Variants in DNAH11 observed in about 807,000 individuals in gnomAD.
DNAH11 encodes dynein axonemal heavy chain 11.
In DNAH11, 442 loss-of-function variants were observed where a neutral mutation model predicts 526.0. The observed-to-expected ratio is 0.84, with a 90% CI of 0.78 to 0.91. DNAH11 has a LOEUF of 0.91. Ranked by LOEUF, DNAH11 falls within the 40% of genes least tolerant of loss-of-function variation. DNAH11 has a pLI of 0.00. For missense variants in DNAH11, 6,989 were observed against 5,448.7 expected (o/e 1.28, Z -8.90); for synonymous variants, 2,461 against 1,935.9 (o/e 1.27, Z -7.12).
In DNAH11 at chr7:21,728,237, C is replaced by CTTTTTTT. The variant is rs71026816; in HGVS notation, c.7440+2285_7440+2291dup. Among the ~76,000 whole-genome samples the CTTTTTTT allele has an allele frequency of 6.8e-5, 4 of 58,946 alleles. 1 individual carries two copies. The highest frequency in any genetic ancestry group is 2.6e-4 in the Admixed American group (1 of 3,880). 38.7% of individuals were successfully genotyped at this position (58,946 alleles called of 152,430 possible). On this transcript the variant is annotated intron_variant, in intron 45 of 81. Coordinates refer to ENST00000409508, the MANE Select transcript of DNAH11 (RefSeq NM_001277115.2). ...TCACCCATTCCAACAGCCCACAATT[C>CTTTTTTT]TTTTTTTTTTTTTTTTTTTTTTTTT...
At chr7:21,818,088 A>G in intron 64 of DNAH11, 129 bp from the exon 65 acceptor site, 1 of 859,384 alleles carries the variant, frequency 1.2e-6, no homozygotes, top group South Asian at 1.9e-5. Context: ...CTACTACTTT[A>G]TAAAATAGTT....
At chr7:21,805,062 T>C (rs1044836902) in intron 62 of DNAH11, among the ~76,000 whole-genome samples, 6 of 152,178 alleles carry the variant, frequency 3.9e-5, no homozygotes, top group African/African-American at 1.4e-4. Flanking sequence ...CATCACTGGC[T>C]CTTCACTTTG....
chr7:21,627,583 G>T (rs774679671), intron 25 of DNAH11, among the ~76,000 whole-genome samples: 4 of 151,972 alleles, frequency 2.6e-5, no homozygotes, highest in Non-Finnish European at 4.4e-5. Flanking sequence ...AAATTAATTG[G>T]CTGTAAATGT....
intron 65 of DNAH11, among the ~76,000 whole-genome samples, chr7:21,840,360 A>G (rs1052688476): frequency 3.3e-5 from 5 of 152,258 alleles, no homozygotes; most frequent in Non-Finnish European, 7.3e-5. Context: ...AATAATTTCA[A>G]TTAAAATAAT....
At chr7:21,623,102 G>C (rs943962492) in intron 25 of DNAH11, among the ~76,000 whole-genome samples, 1 of 151,692 alleles carries the variant, frequency 6.6e-6, no homozygotes, top group Non-Finnish European at 1.5e-5. Flanking sequence ...AATCTACAAT[G>C]AACTCAAACA....
chr7:21,633,854 A>G (rs979133358), intron 25 of DNAH11, among the ~76,000 whole-genome samples: 2 of 152,192 alleles, frequency 1.3e-5, no homozygotes, highest in African/African-American at 4.8e-5. Context: ...GTATTTAGGC[A>G]ATGAGGACAA....
intron 61 of DNAH11, among the ~76,000 whole-genome samples, chr7:21,792,841 CA>C (rs1167690838): frequency 6.6e-6 from 1 of 151,802 alleles, no homozygotes; most frequent in African/African-American, 2.4e-5. Flanking sequence ...CTTTTCATTT[CA>C]TTGATATTTT....
At position 21,681,598 on chromosome 7, in the gene DNAH11, G is replaced by T. The variant is rs1395753085; in HGVS notation, c.5381G>T (p.Gly1794Val). The change falls in exon 31 of 82, where the codon GGA becomes GTA. Residue 1794 changes from glycine to valine, a missense_variant. By Grantham distance (109) the Gly-to-Val change is moderately radical. Transcript: ENST00000409508. The part of the protein sequence containing the change: ...ITLLLGELPP[G>V]DRQKIMTICT... The stretch of plus-strand genomic sequence containing the variant: ...CTTTTGCTGGGAGAACTTCCACCTG[G>T]AGACAGACAGAAGATCATGACAATT... The T allele has an allele frequency of 6.2e-7, 1 of 1,613,650 alleles. No homozygotes were observed. Among genetic ancestry groups the T allele is most frequent in the Non-Finnish European group, 8.5e-7 (1 of 1,179,778 alleles).
chr7:21,642,826 C>T (rs570712897), intron 28 of DNAH11, among the ~76,000 whole-genome samples: 44 of 152,066 alleles, frequency 2.9e-4, no homozygotes, highest in South Asian at 1.5e-3. Flanking sequence ...CCACTACAAC[C>T]GCCATTCTGC....
chr7:21,730,607 T>G (rs540185501), intron 45 of DNAH11, among the ~76,000 whole-genome samples: 2 of 152,280 alleles, frequency 1.3e-5, no homozygotes, highest in Admixed American at 1.3e-4. Flanking sequence ...AGACAAATAC[T>G]GCATGATTTC....
At position 21,659,014 on chromosome 7, in the gene DNAH11, G is replaced by C; in HGVS notation, c.5311G>C (p.Asp1771His). The change falls in exon 30 of 82, where the codon GAT (aspartate) becomes CAT (histidine). Residue 1771 changes from aspartate (D) to histidine (H), a missense_variant. Asp to His is a moderately conservative substitution (Grantham distance 81). Transcript: ENST00000409508. ...AGAAGGCTACGAAACAGCCCTGAAG[G>C]ATTTCCATAAAAAACAGGTATTACA... is the stretch of plus-strand genomic sequence containing the variant. ...LEEGYETALKDFHKKQISQLN... is the reference protein window; with the variant it reads ...LEEGYETALKHFHKKQISQLN... The C allele has an allele frequency of 6.3e-7, 1 of 1,595,468 alleles. No homozygotes were observed. The highest frequency in any genetic ancestry group is 8.5e-7 in the Non-Finnish European group (1 of 1,171,976).
At chr7:21,805,854 T>C (rs1789242053) in intron 62 of DNAH11, among the ~76,000 whole-genome samples, 1 of 152,214 alleles carries the variant, frequency 6.6e-6, no homozygotes, top group Admixed American at 6.5e-5. Context: ...GATAAATTCT[T>C]TCTGACTAGA....
At chr7:21,810,963 C>G (rs558571520) in intron 63 of DNAH11, among the ~76,000 whole-genome samples, 2 of 152,324 alleles carry the variant, frequency 1.3e-5, no homozygotes, top group South Asian at 4.1e-4. Context: ...AGTAGGAATT[C>G]AAACACATGT....
chr7:21,773,925 A>C lies in DNAH11; in HGVS notation c.9262A>C (p.Lys3088Gln). 1 of 1,597,468 alleles carries C rather than the reference A, an allele frequency of 6.3e-7. No homozygotes were observed. Among genetic ancestry groups the C allele is most frequent in the Non-Finnish European group, 8.5e-7 (1 of 1,171,690 alleles). ...ACTGTTTAAGAACCTGTTGAAGAAG[A>C]AGCAAAATGAGGTATCCGAGAAAAA... The part of the protein sequence containing the change: ...ISLFKNLLKK[K>Q]QNEVSEKKER... Residue 3088 changes from lysine (K) to glutamine (Q), a missense_variant, in exon 56 of 82, where the codon AAG becomes CAG. Lys to Gln is a moderately conservative substitution (Grantham distance 53). Coordinates refer to ENST00000409508, the MANE Select transcript of DNAH11 (RefSeq NM_001277115.2).
At chr7:21,612,718 G>A (rs761954135) in intron 20 of DNAH11, among the ~76,000 whole-genome samples, 2 of 151,994 alleles carry the variant, frequency 1.3e-5, no homozygotes, top group Non-Finnish European at 1.5e-5. Flanking sequence ...TTTTATAAAG[G>A]CATAGTATGA....
chr7:21,656,907 T>A (rs1782037048), intron 29 of DNAH11, among the ~76,000 whole-genome samples: 1 of 152,188 alleles, frequency 6.6e-6, no homozygotes, highest in Non-Finnish European at 1.5e-5. Context: ...GATATTATAA[T>A]GATTAGAAAA....
chr7:21,752,232 A>G (rs891289627), intron 54 of DNAH11, among the ~76,000 whole-genome samples: 1 of 152,362 alleles, frequency 6.6e-6, no homozygotes, highest in South Asian at 2.1e-4. Context: ...AATTCCTAGA[A>G]TGGATATTGC....
At chr7:21,881,680 G>A (rs1783929724) in intron 75 of DNAH11, among the ~76,000 whole-genome samples, 2 of 152,134 alleles carry the variant, frequency 1.3e-5, no homozygotes, top group African/African-American at 4.8e-5. Context: ...TTTCTATAAA[G>A]CGTTTTTAAA....
Position 21,866,559 on chromosome 7 carries a change from T to A in DNAH11, c.11586T>A (p.Cys3862Ter). ...KQWRKWVESECPEKEKLPQEW... is the reference protein window; with the variant it reads ...KQWRKWVESE ...GGAGGAAGTGGGTAGAATCCGAGTG[T>A]CCAGAAAAAGAAAAATTACCTCAAG... Residue 3862 changes from cysteine (C) to a stop codon, truncating the protein, a stop_gained, in exon 71 of 82, where the codon TGT becomes TGA. Coordinates refer to ENST00000409508, the MANE Select transcript of DNAH11 (RefSeq NM_001277115.2). LOFTEE classifies it high-confidence loss of function. 4 of 1,613,704 alleles carry A rather than the reference T, an allele frequency of 2.5e-6. No homozygotes were observed. The highest frequency in any genetic ancestry group is 3.4e-6 in the Non-Finnish European group (4 of 1,179,828).
Sources: allele counts gnomAD v4.1 joint callset (sites outside exome capture counted in the v4.1 genomes callset), GRCh38; gene constraint gnomAD v4.1.1; transcripts MANE v1.5; gene names NCBI Gene and HGNC (gene_info 2026-07-23, HGNC 2026-07-21).